SLC9A9: variants seen among roughly 807,000 people sequenced by gnomAD.
SLC9A9 encodes sodium/hydrogen exchanger 9.
SLC9A9 carries 62 observed loss-of-function variants against 77.8 expected under a neutral mutation model. The ratio of observed to expected loss-of-function variants is 0.80; its 90% CI spans 0.65 to 0.98. The LOEUF is 0.98. Ranked by LOEUF, SLC9A9 falls within the 50% of genes least tolerant of loss-of-function variation. SLC9A9 has a pLI of 0.00. For missense variants in SLC9A9, 775 were observed against 774.9 expected (o/e 1.00, Z 0.00); for synonymous variants, 320 against 283.5 (o/e 1.13, Z -1.29).
intron 4 of SLC9A9, among the ~76,000 whole-genome samples, chr3:143,697,407 T>C (rs1323873636): frequency 1.3e-5 from 2 of 152,116 alleles, no homozygotes; most frequent in Admixed American, 6.6e-5. Flanking sequence ...ATAGCCATAA[T>C]AAAAACAAAG....
intron 5 of SLC9A9, among the ~76,000 whole-genome samples, chr3:143,664,955 G>T (rs2039040385): frequency 6.6e-6 from 1 of 152,144 alleles, no homozygotes; most frequent in Non-Finnish European, 1.5e-5. Context: ...GGATATCCAG[G>T]ACTTGAACTC....
intron 4 of SLC9A9, among the ~76,000 whole-genome samples, chr3:143,729,459 CCCT>C (rs1934746989): frequency 1.3e-5 from 2 of 152,282 alleles, no homozygotes; most frequent in African/African-American, 4.8e-5. Flanking sequence ...TACAAGCTAG[CCCT>C]CCTATTCCTG....
At chr3:143,519,538 A>T (rs1218709157) in intron 9 of SLC9A9, among the ~76,000 whole-genome samples, 1 of 152,188 alleles carries the variant, frequency 6.6e-6, no homozygotes, top group East Asian at 1.9e-4. Flanking sequence ...TTGGAAGAAG[A>T]GAAGGCACTA....
At chr3:143,324,099 T>G (rs762072949) in intron 14 of SLC9A9, among the ~76,000 whole-genome samples, 1 of 152,194 alleles carries the variant, frequency 6.6e-6, no homozygotes, top group Non-Finnish European at 1.5e-5. Flanking sequence ...TGCTTTTCGC[T>G]ATTATCAGAA....
At chr3:143,278,132 A>G (rs1261158411) in intron 14 of SLC9A9, among the ~76,000 whole-genome samples, 1 of 152,140 alleles carries the variant, frequency 6.6e-6, no homozygotes, top group African/African-American at 2.4e-5. Flanking sequence ...GGAGATGCAT[A>G]ATCATCTCCT....
chr3:143,321,113 T>G (rs6778178), intron 14 of SLC9A9, among the ~76,000 whole-genome samples: 16,729 of 152,234 alleles, frequency 0.11, 2,228 homozygotes, highest in African/African-American at 0.31. Context: ...CCTTTAGAAC[T>G]GTGAGAGAAT....
chr3:143,737,101 A>G (rs1576691924), intron 4 of SLC9A9, among the ~76,000 whole-genome samples: 1 of 152,202 alleles, frequency 6.6e-6, no homozygotes, highest in Non-Finnish European at 1.5e-5. Context: ...TTCATGCCAC[A>G]TTAATAATGT....
rs144188923 is a variant in SLC9A9 at position 143,764,347 on chromosome 3, G to A, written c.533+30654C>T. 1.3e-3 allele frequency among the ~76,000 whole-genome samples: 191 copies of A among 152,252 alleles called. 1 individual carries two copies. The highest frequency in any genetic ancestry group is 2.0e-3 in the Non-Finnish European group (137 of 68,022). ...AGACTGGAGAAATTTCAATGATAGC[G>A]TATCACTTTCCAGATAGAACACTTC... On this transcript the variant is annotated intron_variant, in intron 4 of 15. Transcript: ENST00000316549.
intron 13 of SLC9A9, among the ~76,000 whole-genome samples, chr3:143,376,275 A>G (rs1225445566): frequency 1.3e-5 from 2 of 152,224 alleles, no homozygotes; most frequent in Non-Finnish European, 2.9e-5. Flanking sequence ...TAACAGGGAA[A>G]GGATTACTCA....
rs147247352 is a variant in SLC9A9, at chr3:143,685,162, A to G, written c.649+8030T>C. 7.4e-3 allele frequency among the ~76,000 whole-genome samples: 1,130 copies of G among 152,248 alleles called. 7 individuals are homozygous for G. Among genetic ancestry groups the G allele is most frequent in the South Asian group, 0.024 (114 of 4,832 alleles). Reference sequence around the variant, plus strand: ...AAAGAAAACAAGTAAAATTAATTTTATAGGATATTTTATTTAACTTGATAT... The same window carrying G: ...AAAGAAAACAAGTAAAATTAATTTTGTAGGATATTTTATTTAACTTGATAT... On this transcript the variant is annotated intron_variant, in intron 5 of 15. Coordinates refer to ENST00000316549, the MANE Select transcript of SLC9A9 (RefSeq NM_173653.4).
At chr3:143,602,996 C>G (rs192857409) in intron 6 of SLC9A9, among the ~76,000 whole-genome samples, 2 of 152,320 alleles carry the variant, frequency 1.3e-5, no homozygotes, top group Admixed American at 6.5e-5. Flanking sequence ...GCCTCAAGCT[C>G]TTAAATTCTT....
At chr3:143,543,348 T>G (rs1024521917) in intron 9 of SLC9A9, among the ~76,000 whole-genome samples, 1 of 151,794 alleles carries the variant, frequency 6.6e-6, no homozygotes, top group Non-Finnish European at 1.5e-5. Flanking sequence ...CTAGTCACAG[T>G]GTGTTACCTC....
At chr3:143,361,608 T>C (rs917762941) in intron 14 of SLC9A9, among the ~76,000 whole-genome samples, 1 of 152,240 alleles carries the variant, frequency 6.6e-6, no homozygotes, top group Non-Finnish European at 1.5e-5. Context: ...TAAGTCAATA[T>C]ATATTTGTGT....
intron 12 of SLC9A9, among the ~76,000 whole-genome samples, chr3:143,453,817 G>GT (rs749899235): frequency 6.6e-6 from 1 of 152,126 alleles, no homozygotes; most frequent in Non-Finnish European, 1.5e-5. Context: ...TGGTTTGAAT[G>GT]TTTTTTGTCC....
chr3:143,527,109 A>G (rs965123570), intron 9 of SLC9A9, among the ~76,000 whole-genome samples: 2 of 152,212 alleles, frequency 1.3e-5, no homozygotes, highest in African/African-American at 4.8e-5. Flanking sequence ...CCACAAGCCT[A>G]TAGAGAATAG....
At chr3:143,562,999 T>C (rs1394737530) in intron 8 of SLC9A9, among the ~76,000 whole-genome samples, 2 of 152,106 alleles carry the variant, frequency 1.3e-5, no homozygotes, top group African/African-American at 2.4e-5. Flanking sequence ...TCAGTGTTTG[T>C]ACAGTGAGAT....
intron 6 of SLC9A9, among the ~76,000 whole-genome samples, chr3:143,597,361 G>C (rs905914410): frequency 1.3e-5 from 2 of 152,198 alleles, no homozygotes; most frequent in Non-Finnish European, 2.9e-5. Context: ...AGCCAAAGCT[G>C]TCCTTCTTGC....
chr3:143,563,080 AACCAAC>A (rs2037113989), intron 8 of SLC9A9, among the ~76,000 whole-genome samples: 1 of 152,192 alleles, frequency 6.6e-6, no homozygotes, highest in African/African-American at 2.4e-5. Flanking sequence ...TAAGAACTAG[AACCAAC>A]ACTTTTTGAT....
intron 5 of SLC9A9, among the ~76,000 whole-genome samples, chr3:143,674,533 C>A (rs939681933): frequency 6.6e-6 from 1 of 152,080 alleles, no homozygotes; most frequent in African/African-American, 2.4e-5. Context: ...GAAACCGGTG[C>A]GCCCCAGAAT....
Sources: allele counts gnomAD v4.1 joint callset (sites outside exome capture counted in the v4.1 genomes callset), GRCh38; gene constraint gnomAD v4.1.1; transcripts MANE v1.5; gene names NCBI Gene and HGNC (gene_info 2026-07-23, HGNC 2026-07-21).